SPIDR: variants seen among roughly 807,000 people sequenced by gnomAD.
SPIDR encodes the protein scaffold protein involved in DNA repair.
SPIDR carries 93 observed loss-of-function variants against 104.6 expected under a neutral mutation model. That is an observed-to-expected ratio of 0.89 (90% CI 0.75 to 1.06). SPIDR has a LOEUF of 1.06. SPIDR is among the 50% of genes least tolerant of loss of function. The pLI is 0.00. For missense variants in SPIDR, 1,154 were observed against 1,111.2 expected (o/e 1.04, Z -0.55); for synonymous variants, 431 against 416.9 (o/e 1.03, Z -0.41).
chr8:47,631,063 A>G (rs1291518613), intron 10 of SPIDR, among the ~76,000 whole-genome samples: 1 of 152,194 alleles, frequency 6.6e-6, no homozygotes. Context: ...GGAGGGACGG[A>G]GAGAGACAGC....
rs1162956113 is a variant in SPIDR, at chr8:47,712,854, G to C, written c.2170G>C (p.Asp724His). ...GAAPHSLFFK[D>H]ALRDQGRIVC... ...TGCCCCTCACAGCCTCTTCTTCAAG[G>C]ACGCTCTCCGTGACCAGGGTGTGCT... The change falls in exon 15 of 20, where the codon GAC (aspartate) becomes CAC (histidine). Residue 724 changes from aspartate to histidine, a missense_variant. Coordinates refer to ENST00000297423, the MANE Select transcript of SPIDR (RefSeq NM_001080394.4). The C allele has an allele frequency of 6.2e-7, 1 of 1,613,934 alleles. No homozygotes were observed. The highest frequency in any genetic ancestry group is 8.5e-7 in the Non-Finnish European group (1 of 1,180,044).
intron 7 of SPIDR, among the ~76,000 whole-genome samples, chr8:47,429,566 A>G (rs2066981260): frequency 6.6e-6 from 1 of 152,252 alleles, no homozygotes; most frequent in South Asian, 2.1e-4. Flanking sequence ...ACAAAGATGT[A>G]TAGGGCATCC....
chr8:47,504,704 A>G (rs2081191545), intron 8 of SPIDR, among the ~76,000 whole-genome samples: 2 of 152,036 alleles, frequency 1.3e-5, no homozygotes, highest in Admixed American at 1.3e-4. Flanking sequence ...GGAGGAGGAG[A>G]GGCACTCTGA....
At chr8:47,563,354 G>A (rs1003641593) in intron 8 of SPIDR, among the ~76,000 whole-genome samples, 1 of 151,352 alleles carries the variant, frequency 6.6e-6, no homozygotes, top group East Asian at 1.9e-4. Flanking sequence ...TTTTTTTTTA[G>A]TAGAGATGGG....
chr8:47,622,808 T>C (rs2065361073), intron 10 of SPIDR, among the ~76,000 whole-genome samples: 1 of 152,146 alleles, frequency 6.6e-6, no homozygotes, highest in South Asian at 2.1e-4. Context: ...CCTCATACAT[T>C]AAAAGGCTAG....
intron 10 of SPIDR, among the ~76,000 whole-genome samples, chr8:47,622,595 G>T (rs1233664609): frequency 6.6e-6 from 1 of 152,128 alleles, no homozygotes; most frequent in East Asian, 1.9e-4. Flanking sequence ...GTAGGGGCTG[G>T]CGTCCCAGGA....
intron 8 of SPIDR, among the ~76,000 whole-genome samples, chr8:47,524,638 G>T (rs974940036): frequency 1.3e-5 from 2 of 152,226 alleles, no homozygotes; most frequent in Admixed American, 6.5e-5. Context: ...CTGGGCCAAA[G>T]TATGCGACTG....
intron 6 of SPIDR, among the ~76,000 whole-genome samples, chr8:47,407,362 G>T (rs574625642): frequency 4.6e-5 from 7 of 152,246 alleles, no homozygotes; most frequent in East Asian, 1.9e-4. Context: ...TCAACAGTTG[G>T]CAAAGTTATT....
At chr8:47,447,267 G>A (rs1044017642) in intron 8 of SPIDR, among the ~76,000 whole-genome samples, 3 of 152,134 alleles carry the variant, frequency 2.0e-5, no homozygotes, top group Admixed American at 6.5e-5. Flanking sequence ...AGGCTGAAGC[G>A]CAGTGGCACA....
rs2039953030 is a variant in SPIDR, at chr8:47,291,808, G to A, written c.361+671G>A. 2.0e-5 allele frequency among the ~76,000 whole-genome samples: 3 copies of A among 152,184 alleles called. No homozygotes were observed. In the South Asian group the frequency reaches 6.2e-4, roughly 31 times the overall value. ...TGTTCGGTAAATACTGTGACAACCA[G>A]TGTGTGGTAGAGGTGTAACGTACTG... On this transcript the variant is annotated intron_variant, in intron 4 of 19. Transcript: ENST00000297423.
chr8:47,649,064 A>G (rs1028954706), intron 10 of SPIDR, among the ~76,000 whole-genome samples: 13 of 152,146 alleles, frequency 8.5e-5, no homozygotes, highest in African/African-American at 3.1e-4. Flanking sequence ...AATTAAAATA[A>G]TGTAATTATT....
chr8:47,434,624 C>T (rs181160814), intron 7 of SPIDR, among the ~76,000 whole-genome samples: 3 of 152,218 alleles, frequency 2.0e-5, no homozygotes, highest in South Asian at 2.1e-4. Context: ...TGTTCCTGCC[C>T]TCTATTGGAG....
At chr8:47,578,098 C>T (rs2059325970) in intron 8 of SPIDR, among the ~76,000 whole-genome samples, 1 of 152,178 alleles carries the variant, frequency 6.6e-6, no homozygotes, top group Non-Finnish European at 1.5e-5. Context: ...ATTCAGTTTT[C>T]TTTCAAGACT....
At chr8:47,727,131 G>T (rs950283737) in intron 16 of SPIDR, 69 bp from the exon 17 acceptor site, 1 of 1,353,526 alleles carries the variant, frequency 7.4e-7, no homozygotes, top group Non-Finnish European at 1.1e-6. Context: ...TCCTCTGCAC[G>T]TGGAGGAGCA....
chr8:47,671,545 A>C (rs1427196364), intron 10 of SPIDR, among the ~76,000 whole-genome samples: 1 of 151,784 alleles, frequency 6.6e-6, no homozygotes, highest in Non-Finnish European at 1.5e-5. Context: ...AGATTGCTCC[A>C]CTGCACCCCA....
intron 8 of SPIDR, among the ~76,000 whole-genome samples, chr8:47,529,049 A>G (rs1051589046): frequency 6.6e-6 from 1 of 152,240 alleles, no homozygotes; most frequent in African/African-American, 2.4e-5. Context: ...CATACCACCT[A>G]TAGCGGAAGA....
At chr8:47,621,561 G>A (rs1340886749) in intron 10 of SPIDR, among the ~76,000 whole-genome samples, 1 of 152,170 alleles carries the variant, frequency 6.6e-6, no homozygotes, top group South Asian at 2.1e-4. Context: ...GCCCTTTCTT[G>A]CCTGTGTGTG....
At chr8:47,411,094 A>G (rs1554671171) in intron 7 of SPIDR, among the ~76,000 whole-genome samples, 3 of 152,172 alleles carry the variant, frequency 2.0e-5, no homozygotes, top group Non-Finnish European at 2.9e-5. Context: ...AGTCTTTGCT[A>G]TTGTGAATAG....
At chr8:47,676,441 T>C (rs2076457130) in intron 11 of SPIDR, among the ~76,000 whole-genome samples, 1 of 152,204 alleles carries the variant, frequency 6.6e-6, no homozygotes, top group Admixed American at 6.5e-5. Context: ...TATTAAATAG[T>C]TTTGGAATGT....
Sources: gnomAD v4.1 joint callset for allele counts (sites outside exome capture counted in the v4.1 genomes callset) on GRCh38, gnomAD v4.1.1 for gene constraint, MANE v1.5 for transcripts, NCBI Gene and HGNC (gene_info 2026-07-23, HGNC 2026-07-21) for gene names.